Variants in TEX261 observed in about 807,000 individuals in gnomAD.
TEX261 encodes the protein testis expressed 261.
A neutral mutation model predicts 25.1 loss-of-function variants in TEX261; 13 were observed. The ratio of observed to expected loss-of-function variants is 0.52; its 90% confidence interval spans 0.34 to 0.82. TEX261 has a LOEUF of 0.82. Among genes scored for constraint, TEX261 ranks in the 40% least tolerant of loss-of-function variants. The pLI is 0.02. For missense variants in TEX261, 206 were observed against 243.2 expected (o/e 0.85, Z 1.02); for synonymous variants, 92 against 97.8 (o/e 0.94, Z 0.35).
rs1670233286 is a variant in TEX261, at chr2:70,988,473, C to A, written c.*127G>T. On this transcript the variant is annotated 3_prime_UTR_variant, in exon 6 of 6. Transcript: ENST00000272438. Reference sequence around the variant, plus strand: ...CCCAAGGAGGGTGGGGATGGGGCTCCAGAGTTGAGGGGAAGAAAGCCAGGG... The same window carrying A: ...CCCAAGGAGGGTGGGGATGGGGCTCAAGAGTTGAGGGGAAGAAAGCCAGGG... The A allele has an allele frequency of 9.9e-6, 7 of 710,554 alleles. No homozygotes were observed. Among genetic ancestry groups the A allele is most frequent in the Admixed American group, 2.3e-5 (1 of 42,898 alleles). The allele number at this position is 710,554 out of a possible 1,614,324, so 44.0% of individuals were successfully genotyped here.
intron 3 of TEX261, 60 bp from the exon 4 acceptor site, chr2:70,989,876 A>C: frequency 7.6e-7 from 1 of 1,310,010 alleles, no homozygotes; most frequent in Non-Finnish European, 1.1e-6. Context: ...TGTACTTTTA[A>C]CTTCAAAAGG....
At chr2:70,992,602 G>A (rs1000746407) in intron 2 of TEX261, among the ~76,000 whole-genome samples, 1 of 151,990 alleles carries the variant, frequency 6.6e-6, no homozygotes. Context: ...GGTGGCACAT[G>A]CCTATAATCC....
Position 70,994,049 on chromosome 2 carries a change from A to G in TEX261, c.71-274T>C, listed in dbSNP as rs72834403. 2.1e-3 allele frequency among the ~76,000 whole-genome samples: 324 copies of G among 152,378 alleles called. 1 individual carries two copies. The highest frequency in any genetic ancestry group is 3.7e-3 in the Non-Finnish European group (255 of 68,040). On this transcript the variant is annotated intron_variant, in intron 1 of 5. Transcript: ENST00000272438. ...CAGAAAACGGAATTTCACGTATTCA[A>G]TAAACACCTGCTGGGCACTTGGCAT... is the stretch of plus-strand genomic sequence containing the variant.
intron 4 of TEX261, chr2:70,989,395 C>T (rs1420181151): frequency 2.4e-6 from 1 of 411,526 alleles, no homozygotes; most frequent in Non-Finnish European, 4.5e-6. Context: ...AGAAGAAAAC[C>T]TTGGCGGCCA....
intron 3 of TEX261, among the ~76,000 whole-genome samples, chr2:70,990,521 G>T (rs1670282764): frequency 6.6e-6 from 1 of 152,148 alleles, no homozygotes; most frequent in Admixed American, 6.5e-5. Context: ...GGCTGCTCAA[G>T]AGACAGTCAT....
rs1553425275 is a variant in TEX261, at chr2:70,988,966, C to T, written c.424G>A (p.Val142Met). 1 of 1,614,078 alleles carries T rather than the reference C, an allele frequency of 6.2e-7. No homozygotes were observed. The highest frequency in any genetic ancestry group is 1.3e-5 in the African/African-American group (1 of 75,024). The change falls in exon 5 of 6, where the codon GTG becomes ATG. Residue 142 changes from valine (V) to methionine (M), a missense_variant. Coordinates refer to ENST00000272438, the MANE Select transcript of TEX261 (RefSeq NM_144582.3). ...CLWIIPFAFF[V>M]SLSAGENVLP... ...ACGTTCTCCCCGGCCGAAAGTGACA[C>T]AAAAAACGCAAACGGAATTATCCAC...
At position 70,994,849 on chromosome 2, in the gene TEX261, C is replaced by T. The variant is rs1379645767; in HGVS notation, c.-92G>A. On this transcript the variant is annotated 5_prime_UTR_variant, in exon 1 of 6. Coordinates refer to ENST00000272438, the MANE Select transcript of TEX261 (RefSeq NM_144582.3). ...CAGCCGCCACCGCCGCCGCCGCCGC[C>T]GCGTCCCCGCCCCGCGGACGACAGG... 6 of 1,236,020 alleles carry T rather than the reference C, an allele frequency of 4.9e-6. No individual in the cohort carries two copies. Among genetic ancestry groups the T allele is most frequent in the African/African-American group, 1.6e-5 (1 of 62,510 alleles). The allele number at this position is 1,236,020 out of a possible 1,614,324, so 76.6% of individuals were successfully genotyped here.
chr2:70,989,001 G>A lies in TEX261; in HGVS notation c.389C>T (p.Thr130Ile). Reference protein sequence around the residue: ...YPFSEVLAYFTFCLWIIPFAF... With the variant: ...YPFSEVLAYFIFCLWIIPFAF... ...AAACGGAATTATCCACAGGCAGAAA[G>A]TGAAATAGGCCAGGACCTGGCAACA... Residue 130 changes from threonine (T) to isoleucine (I), a missense_variant, in exon 5 of 6, where the codon ACT becomes ATT. Coordinates refer to ENST00000272438, the MANE Select transcript of TEX261 (RefSeq NM_144582.3). 1 of 1,613,782 alleles carries A rather than the reference G, an allele frequency of 6.2e-7. No homozygotes were observed. Among genetic ancestry groups the A allele is most frequent in the South Asian group, 1.1e-5 (1 of 90,926 alleles).
Position 70,993,783 on chromosome 2 carries a change from G to A in TEX261, c.71-8C>T, listed in dbSNP as rs1553425915. On this transcript the variant is annotated splice_region_variant and splice_polypyrimidine_tract_variant and intron_variant, in intron 1 of 5. Coordinates refer to ENST00000272438, the MANE Select transcript of TEX261 (RefSeq NM_144582.3). ...GGTAATAGAGTCCAGCCGCTGCAGG[G>A]TGGGAGGCAGGGAGACTATCAGCCA... 1 of 1,611,050 alleles carries A rather than the reference G, an allele frequency of 6.2e-7. No individual in the cohort carries two copies. The highest frequency in any genetic ancestry group is 1.3e-5 in the African/African-American group (1 of 74,926).
chr2:70,990,008 A>G (rs913798634), intron 3 of TEX261, among the ~76,000 whole-genome samples, 192 bp from the exon 4 acceptor site: 13 of 152,214 alleles, frequency 8.5e-5, no homozygotes, highest in African/African-American at 3.1e-4. Flanking sequence ...CAACCTGCCC[A>G]CTGCACAGGG....
At chr2:70,989,250 A>G (rs1670254799) in intron 4 of TEX261, 1 of 577,940 alleles carries the variant, frequency 1.7e-6, no homozygotes, top group African/African-American at 1.9e-5. Flanking sequence ...GGTCGCTAGG[A>G]CAAGCAACTC....
Position 70,989,822 on chromosome 2 carries a change from G to T in TEX261, c.305-6C>A. 1 of 1,608,214 alleles carries T rather than the reference G, an allele frequency of 6.2e-7. No individual in the cohort carries two copies. The highest frequency in any genetic ancestry group is 8.5e-7 in the Non-Finnish European group (1 of 1,174,662). ...ATGATTCACCACCACTAGTCCTGTT[G>T]AGGGAATGAAGAGTCAGTCAGTTTA... On this transcript the variant is annotated splice_region_variant and splice_polypyrimidine_tract_variant and intron_variant, in intron 3 of 5. Transcript: ENST00000272438.
chr2:70,991,794 C>T (rs1366609477), intron 3 of TEX261, 36 bp downstream of exon 3: 1 of 1,606,288 alleles, frequency 6.2e-7, no homozygotes, highest in Non-Finnish European at 8.5e-7. Context: ...CACACCCAAC[C>T]ACATCAGCTG....
intron 4 of TEX261, 194 bp from the exon 5 acceptor site, chr2:70,989,211 A>T (rs980973441): frequency 8.3e-5 from 51 of 614,990 alleles, no homozygotes; most frequent in Middle Eastern, 4.4e-4. Context: ...GCTGAAAATG[A>T]CTGAATGTGG....
Position 70,988,371 on chromosome 2 carries a change from G to A in TEX261, c.*229C>T. ...TGAGGGACCTCGGCCTCCTGGCTAAGCAGGCTCTGCCACCCTCCTTGGTGC... is the reference window on the plus strand; with the variant it reads ...TGAGGGACCTCGGCCTCCTGGCTAAACAGGCTCTGCCACCCTCCTTGGTGC... On this transcript the variant is annotated 3_prime_UTR_variant, in exon 6 of 6. Coordinates refer to ENST00000272438, the MANE Select transcript of TEX261 (RefSeq NM_144582.3). The A allele has an allele frequency of 1.9e-6, 1 of 523,060 alleles. No homozygotes were observed. The highest frequency in any genetic ancestry group is 3.5e-6 in the Non-Finnish European group (1 of 288,766). 32.4% of individuals were successfully genotyped at this position (523,060 alleles called of 1,614,324 possible). A position where few individuals can be genotyped will look rare whatever the true frequency, so the allele number is the denominator to read the frequency against.
At chr2:70,991,492 G>A (rs555201901) in intron 3 of TEX261, among the ~76,000 whole-genome samples, 8 of 152,330 alleles carry the variant, frequency 5.3e-5, no homozygotes, top group African/African-American at 1.9e-4. Flanking sequence ...AGGGCTTTGG[G>A]CTTTTTCTGG....
intron 3 of TEX261, among the ~76,000 whole-genome samples, chr2:70,991,118 C>T (rs1367171620): frequency 2.0e-5 from 3 of 152,192 alleles, no homozygotes; most frequent in African/African-American, 4.8e-5. Context: ...AAATACTTTC[C>T]GAAGCCTTTT....
chr2:70,988,734 G>T lies in TEX261; in HGVS notation c.476-19C>A. ...ACATCATCTGTGGAGATACAGGCAA[G>T]AATATGAGAGAGAGAGAGAGTGTGT... On this transcript the variant is annotated intron_variant, in intron 5 of 5. Coordinates refer to ENST00000272438, the MANE Select transcript of TEX261 (RefSeq NM_144582.3). 6.3e-7 allele frequency: 1 copy of T among 1,596,438 alleles called. No homozygotes were observed. Among genetic ancestry groups the T allele is most frequent in the Non-Finnish European group, 8.6e-7 (1 of 1,163,942 alleles).
In TEX261 at chr2:70,994,708, G is replaced by A. The variant is rs1553426041; in HGVS notation, c.50C>T (p.Ala17Val). The change falls in exon 1 of 6, where the codon GCC becomes GTC. Residue 17 changes from alanine to valine, a missense_variant. Coordinates refer to ENST00000272438, the MANE Select transcript of TEX261 (RefSeq NM_144582.3). ...CTCACCGACAGCCAGCGTGATGAAG[G>A]CCACCTGGATGAAGAGCGACAGCCA... ...LSWLSLFIQV[A>V]FITLAVAAGL... 1 of 1,605,652 alleles carries A rather than the reference G, an allele frequency of 6.2e-7. No homozygotes were observed.
Sources: allele counts gnomAD v4.1 joint callset (sites outside exome capture counted in the v4.1 genomes callset), GRCh38; gene constraint gnomAD v4.1.1; transcripts MANE v1.5; gene names NCBI Gene and HGNC (gene_info 2026-07-23, HGNC 2026-07-21).